Variants in CTDSPL observed in about 807,000 individuals in gnomAD.
The protein encoded by CTDSPL is CTD small phosphatase like.
CTDSPL carries 8 observed loss-of-function variants against 30.5 expected under a neutral mutation model. The ratio of observed to expected loss-of-function variants is 0.26; its 90% confidence interval spans 0.15 to 0.47. The LOEUF (loss-of-function observed/expected upper bound fraction) is 0.47. Among genes scored for constraint, CTDSPL ranks in the 20% least tolerant of loss-of-function variants. The pLI is 0.99. For missense variants in CTDSPL, 248 were observed against 366.1 expected (o/e 0.68, Z 2.63); for synonymous variants, 110 against 137.9 (o/e 0.80, Z 1.42).
At chr3:37,933,629 G>C (rs570808764) in intron 1 of CTDSPL, among the ~76,000 whole-genome samples, 1 of 152,042 alleles carries the variant, frequency 6.6e-6, no homozygotes, top group East Asian at 1.9e-4. Context: ...AGTCATCTTG[G>C]GCAAGTTTTC....
At chr3:37,929,948 A>G (rs1041655848) in intron 1 of CTDSPL, among the ~76,000 whole-genome samples, 1 of 152,018 alleles carries the variant, frequency 6.6e-6, no homozygotes, top group African/African-American at 2.4e-5. Context: ...TCTCAACTAA[A>G]AATACAAAAA....
intron 1 of CTDSPL, among the ~76,000 whole-genome samples, chr3:37,866,580 A>T (rs921269159): frequency 1.3e-5 from 2 of 152,212 alleles, no homozygotes; most frequent in Non-Finnish European, 2.9e-5. Flanking sequence ...ATTGAACAAT[A>T]ATAAAACCAA....
In CTDSPL at chr3:37,961,678, A is replaced by G. The variant is rs9830964; in HGVS notation, c.268-2893A>G. On this transcript the variant is annotated intron_variant, in intron 3 of 7. Coordinates refer to ENST00000273179, the MANE Select transcript of CTDSPL (RefSeq NM_001008392.2). ...CAGGACAGCTATTCTAATTAAAAGCAGTCTAGAGTTCCTCTTGCTCCCCTC... is the reference window on the plus strand; with the variant it reads ...CAGGACAGCTATTCTAATTAAAAGCGGTCTAGAGTTCCTCTTGCTCCCCTC... 3.8e-3 allele frequency among the ~76,000 whole-genome samples: 585 copies of G among 152,342 alleles called. 2 individuals carry two copies. Among genetic ancestry groups the G allele is most frequent in the African/African-American group, 0.013 (558 of 41,568 alleles).
chr3:37,980,972 C>T lies in CTDSPL; in HGVS notation c.*105C>T, dbSNP rs1405103014. ...GAGCTGAAAGTGAGGATACTCCGTGCTCCAGGCCACAGGGTGAATGTGGCC... is the reference window on the plus strand; with the variant it reads ...GAGCTGAAAGTGAGGATACTCCGTGTTCCAGGCCACAGGGTGAATGTGGCC... On this transcript the variant is annotated 3_prime_UTR_variant, in exon 8 of 8. Transcript: ENST00000273179. The T allele has an allele frequency of 7.1e-7, 1 of 1,402,120 alleles. No individual in the cohort carries two copies. Among genetic ancestry groups the T allele is most frequent in the African/African-American group, 1.4e-5 (1 of 69,744 alleles). 86.9% of individuals were successfully genotyped at this position (1,402,120 alleles called of 1,614,324 possible).
At chr3:37,965,361 G>C (rs1030535694) in intron 4 of CTDSPL, among the ~76,000 whole-genome samples, 1 of 152,218 alleles carries the variant, frequency 6.6e-6, no homozygotes, top group African/African-American at 2.4e-5. Context: ...TGCAGGAAGA[G>C]CTGTGGCGAC....
At chr3:37,878,339 A>C (rs1698162063) in intron 1 of CTDSPL, among the ~76,000 whole-genome samples, 1 of 152,078 alleles carries the variant, frequency 6.6e-6, no homozygotes, top group African/African-American at 2.4e-5. Context: ...GGAGGTTTCT[A>C]TTTTGGATTA....
intron 1 of CTDSPL, among the ~76,000 whole-genome samples, chr3:37,902,951 G>T (rs1371711785): frequency 6.6e-6 from 1 of 152,192 alleles, no homozygotes; most frequent in Non-Finnish European, 1.5e-5. Context: ...TACAGTGAAA[G>T]GTATGTGAGC....
chr3:37,878,471 T>C (rs1315567885), intron 1 of CTDSPL, among the ~76,000 whole-genome samples: 1 of 152,244 alleles, frequency 6.6e-6, no homozygotes. Context: ...TGAACCTTTA[T>C]TAAAAATCAA....
At position 37,980,965 on chromosome 3, in the gene CTDSPL, C is replaced by T; in HGVS notation, c.*98C>T. ...TCCCTGGGAGCTGAAAGTGAGGATA[C>T]TCCGTGCTCCAGGCCACAGGGTGAA... is the stretch of plus-strand genomic sequence containing the variant. On this transcript the variant is annotated 3_prime_UTR_variant, in exon 8 of 8. Transcript: ENST00000273179. 2.1e-6 allele frequency: 3 copies of T among 1,446,468 alleles called. No homozygotes were observed. Among genetic ancestry groups the T allele is most frequent in the Non-Finnish European group, 2.8e-6 (3 of 1,077,338 alleles). The allele number at this position is 1,446,468 out of a possible 1,614,324, so 89.6% of individuals were successfully genotyped here. A position where few individuals can be genotyped will look rare whatever the true frequency, so the allele number is the denominator to read the frequency against.
intron 1 of CTDSPL, among the ~76,000 whole-genome samples, chr3:37,885,522 C>T (rs1003870051): frequency 2.0e-5 from 3 of 152,072 alleles, no homozygotes; most frequent in Non-Finnish European, 4.4e-5. Context: ...CTAGTAGTGT[C>T]GTGGTGTGAG....
rs1179121018 is a variant in CTDSPL at position 37,862,299 on chromosome 3, C to T, written c.79+21C>T. The stretch of plus-strand genomic sequence containing the variant: ...GAAAGGTGAGGAGGGGCGCAGGCGG[C>T]CGCGGGCTGGGGGCGAGCGCACACC... On this transcript the variant is annotated intron_variant, in intron 1 of 7. Transcript: ENST00000273179. The surrounding 1 kb of genome is among the most constrained non-coding windows in gnomAD (Gnocchi z 4.3). 6.8e-7 allele frequency: 1 copy of T among 1,478,968 alleles called. No homozygotes were observed. Among genetic ancestry groups the T allele is most frequent in the Non-Finnish European group, 8.9e-7 (1 of 1,117,734 alleles). 91.6% of individuals were successfully genotyped at this position (1,478,968 alleles called of 1,614,324 possible). A position where few individuals can be genotyped will look rare whatever the true frequency, so the allele number is the denominator to read the frequency against.
intron 1 of CTDSPL, among the ~76,000 whole-genome samples, chr3:37,880,801 A>C (rs1236563650): frequency 6.6e-6 from 1 of 152,156 alleles, no homozygotes; most frequent in African/African-American, 2.4e-5. Context: ...AAGATGCTTG[A>C]ATCTCATTGT....
intron 1 of CTDSPL, among the ~76,000 whole-genome samples, chr3:37,913,578 T>C (rs775975413): frequency 4.6e-5 from 7 of 152,300 alleles, no homozygotes; most frequent in East Asian, 1.9e-4. Context: ...GAAATGAGAA[T>C]TGGGGAGACC....
At chr3:37,891,391 A>G (rs1227517289) in intron 1 of CTDSPL, among the ~76,000 whole-genome samples, 1 of 152,194 alleles carries the variant, frequency 6.6e-6, no homozygotes, top group Non-Finnish European at 1.5e-5. Context: ...ACTGGCTGAA[A>G]GCAGTGGTTG....
At chr3:37,921,771 C>G (rs1310674584) in intron 1 of CTDSPL, among the ~76,000 whole-genome samples, 2 of 152,226 alleles carry the variant, frequency 1.3e-5, no homozygotes, top group African/African-American at 2.4e-5. Flanking sequence ...GGTGTTCCCA[C>G]TGCTGGTCAT....
At chr3:37,884,922 A>G (rs886634947) in intron 1 of CTDSPL, among the ~76,000 whole-genome samples, 1 of 152,142 alleles carries the variant, frequency 6.6e-6, no homozygotes, top group African/African-American at 2.4e-5. Flanking sequence ...AGAGTCTCCA[A>G]TAGAACTGAC....
chr3:37,869,371 A>C (rs1319050779), intron 1 of CTDSPL, among the ~76,000 whole-genome samples: 1 of 152,030 alleles, frequency 6.6e-6, no homozygotes. Flanking sequence ...TTTATTTTTT[A>C]AGCGACTATC....
chr3:37,940,361 C>A (rs1025062487), intron 1 of CTDSPL, among the ~76,000 whole-genome samples: 1 of 150,390 alleles, frequency 6.6e-6, no homozygotes, highest in Non-Finnish European at 1.5e-5. Context: ...TCACATAAAC[C>A]CAATTATATT....
At chr3:37,968,334 A>G (rs928477281) in intron 5 of CTDSPL, 3 of 423,882 alleles carry the variant, frequency 7.1e-6, no homozygotes, top group African/African-American at 4.1e-5. Flanking sequence ...TTTTCTCCAG[A>G]GAATCTTTAG....
Sources: allele counts gnomAD v4.1 joint callset (sites outside exome capture counted in the v4.1 genomes callset), GRCh38; gene constraint gnomAD v4.1.1; non-coding constraint Gnocchi (gnomAD v3.1); transcripts MANE v1.5; gene names NCBI Gene and HGNC (gene_info 2026-07-23, HGNC 2026-07-21).